Variants in SLC4A4 observed in about 807,000 individuals in gnomAD.
SLC4A4 encodes electrogenic sodium bicarbonate cotransporter 1.
SLC4A4 carries 27 observed loss-of-function variants against 111.5 expected under a neutral mutation model. The ratio of observed to expected loss-of-function variants is 0.24; its 90% CI spans 0.18 to 0.33. SLC4A4 has a LOEUF of 0.33. SLC4A4 is among the 10% of genes least tolerant of loss of function. The probability of loss-of-function intolerance (pLI) is 1.00; values close to 1 mark genes in which losing one functional copy is unlikely to be tolerated. For missense variants in SLC4A4, 909 were observed against 1,315.5 expected (o/e 0.69, Z 4.78); for synonymous variants, 443 against 463.4 (o/e 0.96, Z 0.57).
intron 3 of SLC4A4, among the ~76,000 whole-genome samples, chr4:71,296,954 C>T (rs530447968): frequency 2.6e-5 from 4 of 152,296 alleles, no homozygotes; most frequent in African/African-American, 9.6e-5. Context: ...ATCCTCTAAT[C>T]TTCTATTAAA....
chr4:71,530,586 T>C (rs1238499771), intron 16 of SLC4A4, among the ~76,000 whole-genome samples: 3 of 152,050 alleles, frequency 2.0e-5, no homozygotes, highest in Non-Finnish European at 4.4e-5. Context: ...TTCCTCAGTA[T>C]GTACTTTTCA....
chr4:71,271,799 G>A (rs955503414), intron 3 of SLC4A4, among the ~76,000 whole-genome samples: 1 of 152,126 alleles, frequency 6.6e-6, no homozygotes, highest in Non-Finnish European at 1.5e-5. Context: ...AACATTTGCT[G>A]GGTGCCTATT....
At chr4:71,124,148 A>G (rs963280997) in intron 2 of SLC4A4, among the ~76,000 whole-genome samples, 1 of 149,928 alleles carries the variant, frequency 6.7e-6, no homozygotes, top group Non-Finnish European at 1.5e-5. Context: ...AACACATATC[A>G]GTTAATCAAA....
chr4:71,067,215 C>G (rs1355884015), intron 1 of SLC4A4, among the ~76,000 whole-genome samples: 1 of 151,406 alleles, frequency 6.6e-6, no homozygotes, highest in East Asian at 1.9e-4. Flanking sequence ...ATATAGGTCA[C>G]TGAACAGTAG....
rs181042123 is a variant in SLC4A4 at position 71,117,899 on chromosome 4, G to A, written c.-2+25107G>A. Among the ~76,000 whole-genome samples the A allele has an allele frequency of 3.1e-4, 44 of 144,090 alleles. 1 individual carries two copies. The East Asian group carries it at 7.2e-3, about 24-fold the overall frequency. The allele number at this position is 144,090 out of a possible 152,430, so 94.5% of individuals were successfully genotyped here. A position where few individuals can be genotyped will look rare whatever the true frequency, so the allele number is the denominator to read the frequency against. On this transcript the variant is annotated intron_variant, in intron 2 of 26. Transcript: ENST00000649996. ...TTCTTTTTTTTTTTTTTTTTGAGAC[G>A]GAGTTTCACTCTTGTTGCCCAGGCT...
chr4:71,383,018 A>G (rs968077295), intron 6 of SLC4A4, among the ~76,000 whole-genome samples: 1 of 152,160 alleles, frequency 6.6e-6, no homozygotes, highest in Non-Finnish European at 1.5e-5. Flanking sequence ...GGCTTAAGCA[A>G]TCTTTAACTA....
At chr4:71,517,406 A>G (rs1732507002) in intron 16 of SLC4A4, among the ~76,000 whole-genome samples, 1 of 151,796 alleles carries the variant, frequency 6.6e-6, no homozygotes, top group Admixed American at 6.6e-5. Context: ...TTTCTTAATT[A>G]TATTTTTTGG....
intron 1 of SLC4A4, among the ~76,000 whole-genome samples, chr4:71,201,921 G>C (rs1746274063): frequency 6.6e-6 from 1 of 152,188 alleles, no homozygotes; most frequent in Non-Finnish European, 1.5e-5. Flanking sequence ...AAAGTTTTAG[G>C]AGTATGTGTG....
At chr4:71,440,307 C>CT (rs2149057594) in intron 7 of SLC4A4, among the ~76,000 whole-genome samples, 1 of 152,192 alleles carries the variant, frequency 6.6e-6, no homozygotes, top group East Asian at 1.9e-4. Context: ...TTTTCAACAA[C>CT]TTTTCGTTGA....
In SLC4A4 at chr4:71,071,390, C is replaced by T. The variant is rs527638802; in HGVS notation, c.-65+8602C>T. 9.9e-5 allele frequency among the ~76,000 whole-genome samples: 15 copies of T among 151,870 alleles called. No homozygotes were observed. In the South Asian group the frequency reaches 3.1e-3, roughly 32 times the overall value. On this transcript the variant is annotated intron_variant, in intron 1 of 26. Transcript: ENST00000649996. ...TTTTTATCTAGTAATTTAAGAAATA[C>T]ATTTCCTTGGTTTCCATAGTGTGGG... is the stretch of plus-strand genomic sequence containing the variant.
intron 1 of SLC4A4, among the ~76,000 whole-genome samples, chr4:71,193,361 G>A (rs535375149): frequency 3.3e-5 from 5 of 152,070 alleles, no homozygotes; most frequent in South Asian, 2.1e-4. Flanking sequence ...GGGTTTCACC[G>A]TGTTAGCCAG....
At chr4:71,428,350 A>G (rs753502671) in intron 7 of SLC4A4, among the ~76,000 whole-genome samples, 4 of 152,104 alleles carry the variant, frequency 2.6e-5, no homozygotes, top group African/African-American at 7.2e-5. Context: ...AGTGAGATTT[A>G]AAGGCAGGGT....
At chr4:71,295,344 C>A (rs1724703262) in intron 3 of SLC4A4, among the ~76,000 whole-genome samples, 1 of 152,136 alleles carries the variant, frequency 6.6e-6, no homozygotes, top group Non-Finnish European at 1.5e-5. Flanking sequence ...GAGCTGCAAA[C>A]CCTAGGTGTA....
chr4:71,144,710 T>C (rs527804854), intron 2 of SLC4A4, among the ~76,000 whole-genome samples: 2 of 152,076 alleles, frequency 1.3e-5, no homozygotes, highest in South Asian at 4.2e-4. Context: ...TTTGAAGCAA[T>C]TATGAATGGG....
intron 16 of SLC4A4, among the ~76,000 whole-genome samples, chr4:71,523,630 T>G (rs1733157065): frequency 1.3e-5 from 2 of 152,244 alleles, no homozygotes; most frequent in South Asian, 4.1e-4. Context: ...ACTTTCAGCT[T>G]ATTTATCCAT....
At chr4:71,301,187 C>A in intron 3 of SLC4A4, 1 of 274,460 alleles carries the variant, frequency 3.6e-6, no homozygotes, top group Non-Finnish European at 7.3e-6. Context: ...CCATTACACT[C>A]ATACCCACAC....
intron 6 of SLC4A4, among the ~76,000 whole-genome samples, chr4:71,393,828 G>C (rs1719537511): frequency 6.6e-6 from 1 of 152,120 alleles, no homozygotes; most frequent in Admixed American, 6.5e-5. Context: ...TAGACCAATG[G>C]AACAGAATAG....
chr4:71,537,335 A>G (rs997284076), intron 18 of SLC4A4, among the ~76,000 whole-genome samples: 2 of 149,360 alleles, frequency 1.3e-5, no homozygotes, highest in Non-Finnish European at 2.9e-5. Flanking sequence ...ATATGTGTGT[A>G]TATATTATAC....
At chr4:71,255,615 G>A (rs1220690510) in intron 3 of SLC4A4, among the ~76,000 whole-genome samples, 1 of 152,078 alleles carries the variant, frequency 6.6e-6, no homozygotes, top group East Asian at 1.9e-4. Context: ...ATCAGAAAAG[G>A]CCTGACTAAG....
Sources: gnomAD v4.1 joint callset for allele counts (sites outside exome capture counted in the v4.1 genomes callset) on GRCh38, gnomAD v4.1.1 for gene constraint, MANE v1.5 for transcripts, NCBI Gene and HGNC (gene_info 2026-07-23, HGNC 2026-07-21) for gene names.